Variants in ADGRB3 observed in about 807,000 individuals in gnomAD.
ADGRB3 encodes the protein brain-specific angiogenesis inhibitor 3.
In ADGRB3, 37 loss-of-function variants were observed where a neutral mutation model predicts 193.4. The observed-to-expected ratio is 0.19, with a 90% confidence interval of 0.15 to 0.25. The LOEUF (loss-of-function observed/expected upper bound fraction) is 0.25. ADGRB3 is among the 10% of genes least tolerant of loss of function. The pLI, the probability that ADGRB3 is intolerant of heterozygous loss-of-function variation, is 1.00. For synonymous variants in ADGRB3, 690 were observed against 644.2 expected, an observed-to-expected ratio of 1.07 and a Z score of -1.08; for missense variants, 1,637 against 1,852.9, an observed-to-expected ratio of 0.88 and a Z score of 2.14.
At position 69,376,807 on chromosome 6, in the gene ADGRB3, G is replaced by T. The variant is rs183810545; in HGVS notation, c.4275+4366G>T. 1.4e-4 allele frequency among the ~76,000 whole-genome samples: 21 copies of T among 152,104 alleles called. No homozygotes were observed. In the East Asian group the frequency reaches 4.1e-3, roughly 29 times the overall value. On this transcript the variant is annotated intron_variant, in intron 30 of 31. Coordinates refer to ENST00000370598, the MANE Select transcript of ADGRB3 (RefSeq NM_001704.3). ...CTGGGTACTTTTAGAGGAAAAGTTT[G>T]AGCAATTTAGTCCTAGACAATAGCC...
intron 17 of ADGRB3, among the ~76,000 whole-genome samples, chr6:69,102,979 G>C (rs1361775198): frequency 6.6e-6 from 1 of 152,140 alleles, no homozygotes; most frequent in Non-Finnish European, 1.5e-5. Context: ...CTCCGTTCAT[G>C]CTGAGTATTT....
intron 29 of ADGRB3, among the ~76,000 whole-genome samples, chr6:69,361,993 G>GT (rs1257177687): frequency 6.6e-6 from 1 of 151,772 alleles, no homozygotes; most frequent in Non-Finnish European, 1.5e-5. Context: ...TTCTCTAAAT[G>GT]TTTTACCATT....
chr6:68,696,880 A>C (rs1765167673), intron 3 of ADGRB3, among the ~76,000 whole-genome samples: 1 of 152,084 alleles, frequency 6.6e-6, no homozygotes, highest in African/African-American at 2.4e-5. Flanking sequence ...TACTTTGATT[A>C]ATTTAAAAAC....
intron 2 of ADGRB3, among the ~76,000 whole-genome samples, chr6:68,638,447 C>A (rs564725689): frequency 6.6e-6 from 1 of 152,136 alleles, no homozygotes; most frequent in Non-Finnish European, 1.5e-5. Context: ...TTGAATGTTG[C>A]GAATTTGACC....
chr6:68,974,905 C>T, intron 9 of ADGRB3, 41 bp downstream of exon 9: 1 of 1,501,420 alleles, frequency 6.7e-7, no homozygotes, highest in Non-Finnish European at 9.3e-7. Flanking sequence ...TGATAATCCC[C>T]ATCCAAGAAC....
chr6:69,069,483 G>C (rs957453528), intron 16 of ADGRB3, among the ~76,000 whole-genome samples: 1 of 140,398 alleles, frequency 7.1e-6, no homozygotes, highest in African/African-American at 2.6e-5. Context: ...GCTGAGGCGG[G>C]TGGATCATGA....
chr6:68,940,619 G>A (rs1224951142), intron 5 of ADGRB3, among the ~76,000 whole-genome samples: 1 of 119,314 alleles, frequency 8.4e-6, no homozygotes, highest in Non-Finnish European at 1.7e-5. Context: ...ATAAAACCTA[G>A]CCGGGTGCGG....
intron 17 of ADGRB3, 38 bp downstream of exon 17, chr6:69,076,076 A>C (rs758281058): frequency 1.2e-4 from 183 of 1,588,190 alleles, no homozygotes; most frequent in Non-Finnish European, 1.5e-4. Context: ...CTTTGGGCTA[A>C]ATTTTCAAAG....
In ADGRB3 at chr6:69,101,621, A is replaced by G. The variant is rs1458092822; in HGVS notation, c.2480+25583A>G. 2.0e-5 allele frequency among the ~76,000 whole-genome samples: 3 copies of G among 151,846 alleles called. No individual in the cohort carries two copies. The South Asian group carries it at 6.2e-4, about 32-fold the overall frequency. ...CTGTGAAAGACATAAATTTTAAATTATATTTACTTTTTTACCATATTATAC... is the reference window on the plus strand; with the variant it reads ...CTGTGAAAGACATAAATTTTAAATTGTATTTACTTTTTTACCATATTATAC... On this transcript the variant is annotated intron_variant, in intron 17 of 31. Transcript: ENST00000370598.
chr6:68,808,836 T>G (rs1441616371), intron 3 of ADGRB3, among the ~76,000 whole-genome samples: 2 of 152,124 alleles, frequency 1.3e-5, no homozygotes, highest in Non-Finnish European at 2.9e-5. Flanking sequence ...ATCAGAAAAG[T>G]ATCTACCATG....
chr6:68,997,622 C>G (rs1428004483), intron 11 of ADGRB3, among the ~76,000 whole-genome samples: 1 of 150,926 alleles, frequency 6.6e-6, no homozygotes, highest in African/African-American at 2.4e-5. Context: ...CACTGCACTC[C>G]GGCCTGGGTG....
intron 20 of ADGRB3, among the ~76,000 whole-genome samples, chr6:69,285,200 A>G (rs1767521923): frequency 6.6e-6 from 1 of 152,226 alleles, no homozygotes; most frequent in Admixed American, 6.5e-5. Context: ...AAAAGGAAAT[A>G]GATACTATAC....
At chr6:68,677,526 T>TTC (rs1328788984) in intron 3 of ADGRB3, among the ~76,000 whole-genome samples, 2 of 146,150 alleles carry the variant, frequency 1.4e-5, no homozygotes, top group East Asian at 3.9e-4. Flanking sequence ...TTTTTCTTTT[T>TTC]TTTTTTTTTT....
At chr6:69,109,547 A>AG (rs1773308866) in intron 17 of ADGRB3, among the ~76,000 whole-genome samples, 1 of 152,222 alleles carries the variant, frequency 6.6e-6, no homozygotes, top group Non-Finnish European at 1.5e-5. Flanking sequence ...TCAAATTATG[A>AG]GGTAGGTATC....
intron 3 of ADGRB3, among the ~76,000 whole-genome samples, chr6:68,677,512 T>C (rs1487825616): frequency 1.4e-5 from 2 of 138,040 alleles, no homozygotes; most frequent in Non-Finnish European, 3.2e-5. Context: ...TTCTTTTTTT[T>C]CTTTTTTTCT....
In ADGRB3 at chr6:69,215,453, CGTGTGTGT is replaced by C. The variant is rs10651298; in HGVS notation, c.2481-17814_2481-17807del. On this transcript the variant is annotated intron_variant, in intron 17 of 31. Transcript: ENST00000370598. ...GAAAAGATGACAAAATGAACAGAAA[CGTGTGTGT>C]GTGTGTGTGTGTGTGTGTGTGTAGA... is the stretch of plus-strand genomic sequence containing the variant. 1.2e-4 allele frequency among the ~76,000 whole-genome samples: 18 copies of C among 146,612 alleles called. 1 individual carries two copies. Among genetic ancestry groups the C allele is most frequent in the African/African-American group, 4.5e-4 (18 of 40,106 alleles).
At chr6:69,338,359 A>T (rs1217950822) in intron 24 of ADGRB3, among the ~76,000 whole-genome samples, 1 of 152,220 alleles carries the variant, frequency 6.6e-6, no homozygotes, top group Non-Finnish European at 1.5e-5. Context: ...ATCATCCTAA[A>T]ATGTGGACGA....
At chr6:69,312,441 C>T (rs1325820812) in intron 20 of ADGRB3, among the ~76,000 whole-genome samples, 2 of 151,682 alleles carry the variant, frequency 1.3e-5, no homozygotes, top group Non-Finnish European at 2.9e-5. Flanking sequence ...AATATAAGCA[C>T]AGATGGAATC....
At chr6:68,685,996 G>A (rs1764977105) in intron 3 of ADGRB3, among the ~76,000 whole-genome samples, 1 of 152,144 alleles carries the variant, frequency 6.6e-6, no homozygotes, top group East Asian at 1.9e-4. Context: ...GTGTTCTCGG[G>A]ACTTAACCAT....
Sources: gnomAD v4.1 joint callset for allele counts (sites outside exome capture counted in the v4.1 genomes callset) on GRCh38, gnomAD v4.1.1 for gene constraint, MANE v1.5 for transcripts, NCBI Gene and HGNC (gene_info 2026-07-23, HGNC 2026-07-21) for gene names.